ACVR1: variants seen among roughly 807,000 people sequenced by gnomAD.
ACVR1 encodes the protein activin receptor type-1.
A neutral mutation model predicts 57.1 loss-of-function variants in ACVR1; 38 were observed. The ratio of observed to expected loss-of-function variants is 0.67; its 90% CI spans 0.51 to 0.87. The LOEUF is 0.87. Among genes scored for constraint, ACVR1 ranks in the 40% least tolerant of loss-of-function variants. The pLI is 0.00. For missense variants in ACVR1, 463 were observed against 638.2 expected, an observed-to-expected ratio of 0.73 and a Z score of 2.96; for synonymous variants, 212 against 228.1, an observed-to-expected ratio of 0.93 and a Z score of 0.63.
chr2:157,822,914 C>T (rs1412490937), intron 1 of ACVR1, among the ~76,000 whole-genome samples: 2 of 152,204 alleles, frequency 1.3e-5, no homozygotes, highest in Non-Finnish European at 2.9e-5. Flanking sequence ...CAGTACTACA[C>T]AGATTCGTAT....
intron 5 of ACVR1, among the ~76,000 whole-genome samples, chr2:157,775,632 A>C (rs1320660624): frequency 6.6e-6 from 1 of 152,250 alleles, no homozygotes; most frequent in African/African-American, 2.4e-5. Context: ...GATAATCAAC[A>C]AGAAAATGAG....
At chr2:157,817,035 T>C (rs142801713) in intron 2 of ACVR1, among the ~76,000 whole-genome samples, 26 of 152,156 alleles carry the variant, frequency 1.7e-4, no homozygotes, top group Non-Finnish European at 3.8e-4. Context: ...TCACGGCTCA[T>C]TGAAGCCTCA....
intron 1 of ACVR1, among the ~76,000 whole-genome samples, chr2:157,862,138 C>A (rs1480004935): frequency 6.6e-6 from 1 of 152,108 alleles, no homozygotes; most frequent in Non-Finnish European, 1.5e-5. Context: ...GAGATAACTG[C>A]TAAACTTTAG....
chr2:157,772,959 C>T (rs1686128308), intron 6 of ACVR1, among the ~76,000 whole-genome samples: 2 of 152,176 alleles, frequency 1.3e-5, no homozygotes, highest in South Asian at 2.1e-4. Flanking sequence ...TTCTACTACT[C>T]AGACTGGGGG....
intron 1 of ACVR1, among the ~76,000 whole-genome samples, chr2:157,863,918 A>C (rs976310180): frequency 7.7e-6 from 1 of 129,722 alleles, no homozygotes; most frequent in Admixed American, 8.8e-5. Context: ...CCCAGGTTGG[A>C]GTGCCATCTC....
chr2:157,874,195 A>G (rs1690202380), intron 1 of ACVR1, among the ~76,000 whole-genome samples: 1 of 152,264 alleles, frequency 6.6e-6, no homozygotes, highest in South Asian at 2.1e-4. Context: ...AAGGGGTAAT[A>G]GCAGAAATGC....
intron 9 of ACVR1, among the ~76,000 whole-genome samples, chr2:157,757,604 T>C (rs757970177): frequency 1.3e-5 from 2 of 151,750 alleles, no homozygotes; most frequent in Non-Finnish European, 1.5e-5. Flanking sequence ...TATTCAAATG[T>C]TGAAAGAAAA....
chr2:157,863,336 C>CCTTTTT (rs1689795351), intron 1 of ACVR1, among the ~76,000 whole-genome samples: 3 of 35,674 alleles, frequency 8.4e-5, no homozygotes. Flanking sequence ...AATTGTTTCT[C>CCTTTTT]TTTTTTTTTT....
chr2:157,764,941 A>G (rs1422368709), intron 8 of ACVR1, among the ~76,000 whole-genome samples: 1 of 152,214 alleles, frequency 6.6e-6, no homozygotes, highest in Non-Finnish European at 1.5e-5. Context: ...CAAATCCCTT[A>G]TGTTTAAAAA....
chr2:157,816,203 T>C (rs1687927639), intron 2 of ACVR1, among the ~76,000 whole-genome samples: 1 of 152,222 alleles, frequency 6.6e-6, no homozygotes, highest in African/African-American at 2.4e-5. Flanking sequence ...ATGGGAAAGT[T>C]TGTATTCCAA....
intron 6 of ACVR1, among the ~76,000 whole-genome samples, chr2:157,773,866 G>C (rs930675207): frequency 1.3e-5 from 2 of 152,102 alleles, no homozygotes; most frequent in Admixed American, 6.5e-5. Flanking sequence ...GAAAGCTTTT[G>C]ACTCTGCATT....
At chr2:157,779,057 C>G (rs1686406596) in intron 4 of ACVR1, among the ~76,000 whole-genome samples, 1 of 152,114 alleles carries the variant, frequency 6.6e-6, no homozygotes, top group South Asian at 2.1e-4. Flanking sequence ...ACATCATACT[C>G]CATGGCATAT....
chr2:157,800,894 C>A (rs1007439556), intron 2 of ACVR1, among the ~76,000 whole-genome samples: 8 of 151,984 alleles, frequency 5.3e-5, no homozygotes, highest in Non-Finnish European at 1.2e-4. Flanking sequence ...GCCCCCTCCT[C>A]CACCCCTCTC....
At chr2:157,873,485 T>C (rs181527229) in intron 1 of ACVR1, among the ~76,000 whole-genome samples, 17 of 152,340 alleles carry the variant, frequency 1.1e-4, no homozygotes, top group Non-Finnish European at 2.4e-4. Flanking sequence ...CCTACTGAGT[T>C]GGGCATGAGA....
chr2:157,866,444 C>CCG (rs1553453084), intron 1 of ACVR1, among the ~76,000 whole-genome samples: 1 of 151,672 alleles, frequency 6.6e-6, no homozygotes, highest in African/African-American at 2.4e-5. Flanking sequence ...CCAAGGGAGG[C>CCG]GGGGGGGAAA....
chr2:157,811,550 T>C (rs1213672105), intron 2 of ACVR1, among the ~76,000 whole-genome samples: 7 of 152,198 alleles, frequency 4.6e-5, no homozygotes, highest in African/African-American at 1.7e-4. Flanking sequence ...CTACCCCCAG[T>C]TTCAAAAATA....
At position 157,831,036 on chromosome 2, in the gene ACVR1, A is replaced by G. The variant is rs566444304; in HGVS notation, c.-182-12477T>C. On this transcript the variant is annotated intron_variant, in intron 1 of 10. Transcript: ENST00000434821. ...AGCCTTGAATTCCTGGTCTCAAACA[A>G]TTCTCCCACCTTAGCCTCCCAAAGC... Among the ~76,000 whole-genome samples the G allele has an allele frequency of 4.9e-4, 75 of 152,268 alleles. 1 individual carries two copies. Among genetic ancestry groups the G allele is most frequent in the African/African-American group, 1.8e-3 (73 of 41,558 alleles).
chr2:157,740,846 TA>T (rs1052761879), intron 9 of ACVR1, among the ~76,000 whole-genome samples: 3 of 152,224 alleles, frequency 2.0e-5, no homozygotes, highest in African/African-American at 7.2e-5. Context: ...CAAGTATTTT[TA>T]AAAGACCATT....
intron 1 of ACVR1, among the ~76,000 whole-genome samples, chr2:157,818,844 C>T (rs113475065): frequency 0.01 from 1,579 of 151,836 alleles, 36 homozygotes; most frequent in African/African-American, 0.035. Context: ...TTTGGGAGGC[C>T]GAGGCGGGCG....
Sources: allele counts gnomAD v4.1 joint callset (sites outside exome capture counted in the v4.1 genomes callset), GRCh38; gene constraint gnomAD v4.1.1; transcripts MANE v1.5; gene names NCBI Gene and HGNC (gene_info 2026-07-23, HGNC 2026-07-21).